Variants in VWA8 observed in about 807,000 individuals in gnomAD.
VWA8 encodes von Willebrand factor A domain containing 8.
A neutral mutation model predicts 241.5 loss-of-function variants in VWA8; 221 were observed. The ratio of observed to expected loss-of-function variants is 0.91; its 90% CI spans 0.82 to 1.02. VWA8 has a LOEUF of 1.02. Among genes scored for constraint, VWA8 ranks in the 50% least tolerant of loss-of-function variants. The pLI is 0.00. For missense variants in VWA8, 2,322 were observed against 2,328.7 expected (o/e 1.00, Z 0.06); for synonymous variants, 852 against 827.1 (o/e 1.03, Z -0.52).
chr13:41,951,571 C>T (rs1478174487), intron 1 of VWA8, among the ~76,000 whole-genome samples: 2 of 152,158 alleles, frequency 1.3e-5, no homozygotes, highest in African/African-American at 2.4e-5. Context: ...AATCTCTCCC[C>T]GCTGTGCTCT....
intron 43 of VWA8, among the ~76,000 whole-genome samples, chr13:41,572,374 G>A (rs1015618939): frequency 1.3e-5 from 2 of 152,228 alleles, no homozygotes; most frequent in Non-Finnish European, 2.9e-5. Flanking sequence ...GGAAATGTGG[G>A]GAAAAGAGAT....
At chr13:41,956,889 G>T (rs1017021163) in intron 1 of VWA8, among the ~76,000 whole-genome samples, 15 of 152,048 alleles carry the variant, frequency 9.9e-5, no homozygotes, top group African/African-American at 3.6e-4. Context: ...CACAATAATG[G>T]ATGTAATAAT....
intron 21 of VWA8, among the ~76,000 whole-genome samples, chr13:41,758,459 A>AAT (rs1190568471): frequency 1.6e-5 from 2 of 125,106 alleles, no homozygotes; most frequent in Non-Finnish European, 3.4e-5. Flanking sequence ...ATATATATGG[A>AAT]ATATATGGAA....
chr13:41,941,216 A>G lies in VWA8; in HGVS notation c.241+8720T>C, dbSNP rs1593885787. On this transcript the variant is annotated intron_variant, in intron 2 of 44. Coordinates refer to ENST00000379310, the MANE Select transcript of VWA8 (RefSeq NM_015058.2). ...GTGTGTATTATTGCTACGATCTATT[A>G]AATCCTTAAAGCTAATATAGATAAT... Among the ~76,000 whole-genome samples, 4 of 152,220 alleles carry G rather than the reference A, an allele frequency of 2.6e-5. No homozygotes were observed. In the South Asian group the frequency reaches 8.3e-4, roughly 31 times the overall value.
intron 41 of VWA8, 117 bp from the exon 42 acceptor site, chr13:41,587,787 T>C (rs1027079291): frequency 4.0e-6 from 5 of 1,256,560 alleles, no homozygotes; most frequent in East Asian, 2.5e-5. Flanking sequence ...AGACCAGCCA[T>C]AGGCTCAGCC....
At chr13:41,795,601 G>T (rs1238613266) in intron 17 of VWA8, among the ~76,000 whole-genome samples, 2 of 152,164 alleles carry the variant, frequency 1.3e-5, no homozygotes, top group African/African-American at 4.8e-5. Context: ...ATACACCATA[G>T]AATACTATGT....
chr13:41,900,099 A>C (rs780949966), intron 4 of VWA8, among the ~76,000 whole-genome samples: 1 of 152,224 alleles, frequency 6.6e-6, no homozygotes, highest in Non-Finnish European at 1.5e-5. Flanking sequence ...CTGTTATGTA[A>C]GGTTAGGAAG....
rs562441382 is a variant in VWA8, at chr13:41,912,257, A to G, written c.242-89T>C. 588 of 959,822 alleles carry G rather than the reference A, an allele frequency of 6.1e-4. 20 individuals carry two copies. The South Asian group carries it at 0.018, about 30-fold the overall frequency. 59.5% of individuals were successfully genotyped at this position (959,822 alleles called of 1,614,324 possible). ...GTAATGTGGACATATTTATATATAT[A>G]TATAACGTATATAAAATATGTGTTT... On this transcript the variant is annotated intron_variant, in intron 2 of 44. Transcript: ENST00000379310.
At chr13:41,747,537 C>T (rs2045617799) in intron 21 of VWA8, among the ~76,000 whole-genome samples, 1 of 152,088 alleles carries the variant, frequency 6.6e-6, no homozygotes, top group Non-Finnish European at 1.5e-5. Flanking sequence ...AATCATGTCA[C>T]CTGCAAACAG....
At chr13:41,729,443 CT>C in intron 23 of VWA8, 98 bp downstream of exon 23, 1 of 1,215,804 alleles carries the variant, frequency 8.2e-7, no homozygotes. Context: ...TGAACTTATG[CT>C]TATTATTGTA....
In VWA8 at chr13:41,957,780, AC is replaced by A. The variant is rs543139255; in HGVS notation, c.163+3072del. ...AAAGTATTTTAGGGTATTTCTATAA[AC>A]AAATTTACTTCATATACAAGAGTCA... On this transcript the variant is annotated intron_variant, in intron 1 of 44. Coordinates refer to ENST00000379310, the MANE Select transcript of VWA8 (RefSeq NM_015058.2). 7.3e-3 allele frequency among the ~76,000 whole-genome samples: 1,105 copies of A among 152,302 alleles called. 13 individuals carry two copies. Among genetic ancestry groups the A allele is most frequent in the African/African-American group, 0.023 (970 of 41,540 alleles).
intron 37 of VWA8, among the ~76,000 whole-genome samples, chr13:41,668,265 A>C (rs558197000): frequency 6.6e-6 from 1 of 152,242 alleles, no homozygotes; most frequent in Admixed American, 6.5e-5. Flanking sequence ...CAGGAACCAT[A>C]CAAGACAAGA....
intron 37 of VWA8, among the ~76,000 whole-genome samples, chr13:41,662,100 A>G (rs2044953778): frequency 6.6e-6 from 1 of 152,156 alleles, no homozygotes; most frequent in African/African-American, 2.4e-5. Flanking sequence ...CTTCTTTTAA[A>G]AATTATTTTG....
chr13:41,727,312 A>T lies in VWA8; in HGVS notation c.2640T>A (p.Asn880Lys). The change falls in exon 24 of 45, where the codon AAT becomes AAA. Residue 880 changes from asparagine (N) to lysine (K), a missense_variant and splice_region_variant. Transcript: ENST00000379310. ...ILADGRRIVANSANVNGRENV... is the reference protein window; with the variant it reads ...ILADGRRIVAKSANVNGRENV... ...TTTCTCTTCCATTCACATTAGCAGA[A>T]TCTGAAAAACAAAATTTGTTTATTC... 1 of 1,502,598 alleles carries T rather than the reference A, an allele frequency of 6.7e-7. No homozygotes were observed. The highest frequency in any genetic ancestry group is 1.4e-5 in the African/African-American group (1 of 70,400). The allele number at this position is 1,502,598 out of a possible 1,614,324, so 93.1% of individuals were successfully genotyped here. A position where few individuals can be genotyped will look rare whatever the true frequency, so the allele number is the denominator to read the frequency against.
intron 20 of VWA8, among the ~76,000 whole-genome samples, chr13:41,772,077 A>G (rs1449505967): frequency 3.3e-5 from 5 of 151,406 alleles, no homozygotes; most frequent in Non-Finnish European, 7.4e-5. Flanking sequence ...TTTGGTAGAG[A>G]CAGGGTTTCT....
Position 41,884,639 on chromosome 13 carries a change from T to C in VWA8, c.976-1148A>G, listed in dbSNP as rs184299042. On this transcript the variant is annotated intron_variant, in intron 8 of 44. Coordinates refer to ENST00000379310, the MANE Select transcript of VWA8 (RefSeq NM_015058.2). ...GTGGCAATATATTAATAATGGGTGA[T>C]TGTAGGTGAGGGGATTATGAATGTT... 1.3e-3 allele frequency among the ~76,000 whole-genome samples: 201 copies of C among 151,946 alleles called. 2 individuals carry two copies. The highest frequency in any genetic ancestry group is 5.2e-3 in the East Asian group (27 of 5,170).
Position 41,590,732 on chromosome 13 carries a change from G to A in VWA8, c.5020C>T (p.Gln1674Ter), listed in dbSNP as rs777780749. ...GCATCATCTAATTCTCCAGTAGCTT[G>A]ATGTCTTAGCCATTGTCTTTCTTTA... is the stretch of plus-strand genomic sequence containing the variant. ...KGKERQWLRH[Q>*]ATGELDDAKI... The change falls in exon 41 of 45, where the codon CAA becomes TAA. Residue 1674 changes from glutamine to a stop codon, truncating the protein, a stop_gained. Coordinates refer to ENST00000379310, the MANE Select transcript of VWA8 (RefSeq NM_015058.2). LOFTEE classifies it high-confidence loss of function. The A allele has an allele frequency of 5.6e-6, 9 of 1,614,060 alleles. No individual in the cohort carries two copies. The highest frequency in any genetic ancestry group is 1.6e-4 in the Middle Eastern group (1 of 6,062).
At chr13:41,796,813 T>A (rs1282354025) in intron 17 of VWA8, among the ~76,000 whole-genome samples, 1 of 151,946 alleles carries the variant, frequency 6.6e-6, no homozygotes, top group East Asian at 1.9e-4. Flanking sequence ...TTACCTTAGG[T>A]GTATCATTAA....
chr13:41,805,503 C>G (rs944883880), intron 17 of VWA8, among the ~76,000 whole-genome samples: 1 of 152,064 alleles, frequency 6.6e-6, no homozygotes, highest in African/African-American at 2.4e-5. Context: ...ATCACCCAGA[C>G]AGAAAATCAA....
Sources: gnomAD v4.1 joint callset for allele counts (sites outside exome capture counted in the v4.1 genomes callset) on GRCh38, gnomAD v4.1.1 for gene constraint, MANE v1.5 for transcripts, NCBI Gene and HGNC (gene_info 2026-07-23, HGNC 2026-07-21) for gene names.